Variants in CSMD1 observed in about 807,000 individuals in gnomAD.
The protein encoded by CSMD1 is CUB and Sushi multiple domains 1, also known as CUB and sushi domain-containing protein 1.
CSMD1 carries 213 observed loss-of-function variants against 417.5 expected under a neutral mutation model. The observed-to-expected ratio is 0.51, with a 90% CI of 0.46 to 0.57. CSMD1 has a LOEUF of 0.57. Ranked by LOEUF, CSMD1 falls within the 20% of genes least tolerant of loss-of-function variation. The pLI is 0.00. For synonymous variants in CSMD1, 2,862 were observed against 1,736.8 expected (o/e 1.65, Z -16.11); for missense variants, 6,923 against 4,529.7 (o/e 1.53, Z -15.17).
chr8:3,514,537 C>T (rs1336535085), intron 10 of CSMD1, among the ~76,000 whole-genome samples: 3 of 152,264 alleles, frequency 2.0e-5, no homozygotes, highest in Admixed American at 2.0e-4. Context: ...AGTAATGTTT[C>T]ACAAATAAAT....
chr8:4,064,203 G>C (rs1254265620), intron 3 of CSMD1, among the ~76,000 whole-genome samples: 1 of 152,160 alleles, frequency 6.6e-6, no homozygotes, highest in Non-Finnish European at 1.5e-5. Context: ...CTTTCACCAT[G>C]GCTCAGATTT....
At chr8:3,327,724 T>A (rs538011684) in intron 23 of CSMD1, among the ~76,000 whole-genome samples, 1 of 152,326 alleles carries the variant, frequency 6.6e-6, no homozygotes, top group East Asian at 1.9e-4. Context: ...GTAAAGTAAC[T>A]TTGTTAGATT....
At chr8:3,391,754 C>T (rs60180727) in intron 17 of CSMD1, among the ~76,000 whole-genome samples, 1 of 152,026 alleles carries the variant, frequency 6.6e-6, no homozygotes, top group Non-Finnish European at 1.5e-5. Context: ...AAGTCAGCCT[C>T]GAGTACCTGT....
At chr8:3,819,585 C>A (rs373793470) in intron 5 of CSMD1, among the ~76,000 whole-genome samples, 2 of 150,984 alleles carry the variant, frequency 1.3e-5, no homozygotes, top group Non-Finnish European at 1.5e-5. Flanking sequence ...CGCCAACATG[C>A]GTAACATATA....
At chr8:4,421,810 G>T (rs1216473372) in intron 2 of CSMD1, among the ~76,000 whole-genome samples, 2 of 151,294 alleles carry the variant, frequency 1.3e-5, no homozygotes, top group South Asian at 2.1e-4. Context: ...CAAACAGAAA[G>T]CAAAAAACAA....
chr8:4,061,455 G>A (rs751109438), intron 3 of CSMD1, among the ~76,000 whole-genome samples: 1 of 152,164 alleles, frequency 6.6e-6, no homozygotes, highest in South Asian at 2.1e-4. Flanking sequence ...CCCTGAAAAT[G>A]GATAAGAAAC....
chr8:3,821,621 A>G (rs1801741819), intron 5 of CSMD1, among the ~76,000 whole-genome samples: 1 of 152,156 alleles, frequency 6.6e-6, no homozygotes, highest in South Asian at 2.1e-4. Context: ...GTCTCTACTA[A>G]TAATACAAAA....
chr8:4,217,264 T>G (rs1454323028), intron 3 of CSMD1, among the ~76,000 whole-genome samples: 1 of 152,202 alleles, frequency 6.6e-6, no homozygotes, highest in Non-Finnish European at 1.5e-5. Flanking sequence ...ATTTAGAATT[T>G]GCAGAAGTCT....
chr8:4,832,892 C>G (rs899457303), intron 1 of CSMD1, among the ~76,000 whole-genome samples: 2 of 152,018 alleles, frequency 1.3e-5, no homozygotes, highest in Non-Finnish European at 2.9e-5. Flanking sequence ...ACAGAAAGCT[C>G]CGAACTAGCT....
At chr8:4,181,316 T>G (rs75054842) in intron 3 of CSMD1, among the ~76,000 whole-genome samples, 1,636 of 152,302 alleles carry the variant, frequency 0.011, 15 homozygotes, top group Non-Finnish European at 0.017. Context: ...TTATGACATA[T>G]ATATCCATGC....
chr8:3,688,998 A>G (rs17066905), intron 7 of CSMD1, among the ~76,000 whole-genome samples: 22,449 of 152,208 alleles, frequency 0.15, 2,500 homozygotes, highest in African/African-American at 0.31. Flanking sequence ...GAGGCTCTGC[A>G]TAGAGTTATG....
At chr8:4,168,238 C>G (rs570667458) in intron 3 of CSMD1, among the ~76,000 whole-genome samples, 2 of 150,552 alleles carry the variant, frequency 1.3e-5, no homozygotes, top group Admixed American at 1.3e-4. Context: ...CAAACACACA[C>G]AAAAAAATTA....
Position 3,512,979 on chromosome 8 carries a change from C to T in CSMD1, c.1345-19253G>A, listed in dbSNP as rs779480815. Among the ~76,000 whole-genome samples the T allele has an allele frequency of 2.6e-5, 4 of 152,148 alleles. No homozygotes were observed. In the Middle Eastern group the frequency reaches 0.01, roughly 388 times the overall value. On this transcript the variant is annotated intron_variant, in intron 10 of 69. Coordinates refer to ENST00000635120, the MANE Select transcript of CSMD1 (RefSeq NM_033225.6). Reference sequence around the variant, plus strand: ...TAGCAAAAATATAGAAAGAAGTCTCCGTCCCTATGAAAGGCATTAGCATGC... The same window carrying T: ...TAGCAAAAATATAGAAAGAAGTCTCTGTCCCTATGAAAGGCATTAGCATGC...
intron 3 of CSMD1, among the ~76,000 whole-genome samples, chr8:4,141,991 A>G (rs1803819750): frequency 6.6e-6 from 1 of 151,022 alleles, no homozygotes; most frequent in African/African-American, 2.5e-5. Context: ...AATTTCTCTC[A>G]ACTTATATAT....
intron 2 of CSMD1, among the ~76,000 whole-genome samples, chr8:4,420,893 C>A (rs1484813696): frequency 6.6e-6 from 1 of 152,092 alleles, no homozygotes; most frequent in Non-Finnish European, 1.5e-5. Flanking sequence ...CCTCTTTCAC[C>A]CTCCTAGGAG....
intron 5 of CSMD1, among the ~76,000 whole-genome samples, chr8:3,857,744 G>C (rs1804413049): frequency 6.6e-6 from 1 of 152,188 alleles, no homozygotes; most frequent in South Asian, 2.1e-4. Context: ...GTTTTTGACA[G>C]AGCTTCTATA....
At chr8:2,966,895 G>A in intron 57 of CSMD1, 149 bp from the exon 58 acceptor site, 1 of 620,220 alleles carries the variant, frequency 1.6e-6, no homozygotes, top group South Asian at 2.3e-5. Context: ...CTTAACATAT[G>A]GCTTACTATG....
At chr8:3,890,903 C>G (rs897815463) in intron 5 of CSMD1, among the ~76,000 whole-genome samples, 1 of 152,124 alleles carries the variant, frequency 6.6e-6, no homozygotes, top group Admixed American at 6.6e-5. Flanking sequence ...GCTAGCTACT[C>G]TCTCATAGGA....
intron 3 of CSMD1, among the ~76,000 whole-genome samples, chr8:4,416,946 C>T (rs1357077199): frequency 6.6e-6 from 1 of 151,940 alleles, no homozygotes; most frequent in Non-Finnish European, 1.5e-5. Context: ...TATGTGTAAT[C>T]CTAATAGTTT....
Sources: allele counts gnomAD v4.1 joint callset (sites outside exome capture counted in the v4.1 genomes callset), GRCh38; gene constraint gnomAD v4.1.1; transcripts MANE v1.5; gene names NCBI Gene and HGNC (gene_info 2026-07-23, HGNC 2026-07-21).